Variants in TTL observed in about 807,000 individuals in gnomAD.
TTL encodes the protein tubulin--tyrosine ligase.
A neutral mutation model predicts 41.1 loss-of-function variants in TTL; 10 were observed. The observed-to-expected ratio is 0.24, with a 90% CI of 0.15 to 0.41. The LOEUF is 0.41. Ranked by LOEUF, TTL falls within the 10% of genes least tolerant of loss-of-function variation. TTL has a pLI of 1.00. For missense variants in TTL, 367 were observed against 460.4 expected, an observed-to-expected ratio of 0.80 and a Z score of 1.86; for synonymous variants, 175 against 175.5, an observed-to-expected ratio of 1.00 and a Z score of 0.02.
chr2:112,523,350 C>CTGTG (rs60321232), intron 6 of TTL, among the ~76,000 whole-genome samples: 114,397 of 149,764 alleles, frequency 0.76, 44,171 homozygotes, highest in East Asian at 0.88. Flanking sequence ...GTGTGTGTGT[C>CTGTG]TGTGTGTGTG....
intron 5 of TTL, among the ~76,000 whole-genome samples, chr2:112,517,929 G>A (rs915235645): frequency 1.3e-5 from 2 of 150,424 alleles, no homozygotes; most frequent in South Asian, 4.2e-4. Context: ...CAGCCTGGGC[G>A]ACAGAGTGAG....
At chr2:112,494,535 C>G (rs1681475455) in intron 3 of TTL, among the ~76,000 whole-genome samples, 160 bp downstream of exon 3, 1 of 152,200 alleles carries the variant, frequency 6.6e-6, no homozygotes, top group Non-Finnish European at 1.5e-5. Flanking sequence ...TTCTAAATGT[C>G]TATCTCCAGT....
At position 112,494,284 on chromosome 2, in the gene TTL, T is replaced by G; in HGVS notation, c.378T>G (p.Asp126Glu). ...IQPPISNSRT[D>E]EREFFLASYN... is the part of the protein sequence containing the mutation. ...CACCAATCAGTAACTCAAGGACAGA[T>G]GAAAGAGAATTCTTTCTCGCCTCTT... is the stretch of plus-strand genomic sequence containing the variant. The change falls in exon 3 of 7, where the codon GAT becomes GAG. Residue 126 changes from aspartate to glutamate, a missense_variant. Physicochemically the swap from Asp to Glu is conservative, Grantham distance 45. Coordinates refer to ENST00000233336, the MANE Select transcript of TTL (RefSeq NM_153712.5). The G allele has an allele frequency of 6.2e-7, 1 of 1,614,162 alleles. No homozygotes were observed. The highest frequency in any genetic ancestry group is 1.1e-5 in the South Asian group (1 of 91,084).
intron 1 of TTL, among the ~76,000 whole-genome samples, chr2:112,484,138 GGA>G (rs1681170550): frequency 1.3e-5 from 2 of 152,038 alleles, no homozygotes; most frequent in Non-Finnish European, 2.9e-5. Context: ...CTTAAGCCTA[GGA>G]GTGAGAAGCA....
intron 5 of TTL, among the ~76,000 whole-genome samples, chr2:112,517,976 C>T (rs542924489): frequency 2.7e-5 from 4 of 150,518 alleles, no homozygotes; most frequent in Non-Finnish European, 5.9e-5. Flanking sequence ...GATAGGGTCT[C>T]GCTCTGTTTC....
chr2:112,509,688 A>G (rs1029583394), intron 5 of TTL, among the ~76,000 whole-genome samples: 9 of 152,158 alleles, frequency 5.9e-5, no homozygotes, highest in Admixed American at 3.3e-4. Context: ...CACGGTGCGC[A>G]CACACACTGG....
intron 3 of TTL, 64 bp downstream of exon 3, chr2:112,494,439 G>T: frequency 8.0e-7 from 1 of 1,251,472 alleles, no homozygotes. Flanking sequence ...GTATTTAGAT[G>T]AATGACCCTA....
intron 6 of TTL, among the ~76,000 whole-genome samples, chr2:112,524,948 G>A (rs185118582): frequency 1.4e-4 from 21 of 152,166 alleles, no homozygotes; most frequent in Non-Finnish European, 1.8e-4. Context: ...TCATTAATGC[G>A]TCCTGAATTA....
intron 6 of TTL, among the ~76,000 whole-genome samples, chr2:112,526,011 G>T (rs1280459568): frequency 1.3e-5 from 2 of 151,802 alleles, no homozygotes; most frequent in Non-Finnish European, 2.9e-5. Flanking sequence ...GTTGAATTTT[G>T]TCAAAGGCCT....
rs765958388 is a variant in TTL, at chr2:112,482,317, C to A, written c.-28C>A. ...CCGCCTGGTCCCTGCGGCGGCTGCC[C>A]GGCGGCCCGGGCGCGCGGCGCTTCG... On this transcript the variant is annotated 5_prime_UTR_variant, in exon 1 of 7. Transcript: ENST00000233336. This position sits in a 1 kb window ranked among gnomAD's most constrained non-coding sequence, Gnocchi z 5.3. 42 of 1,465,710 alleles carry A rather than the reference C, an allele frequency of 2.9e-5. 1 individual carries two copies. The South Asian group carries it at 5.0e-4, about 18-fold the overall frequency. The allele number at this position is 1,465,710 out of a possible 1,614,324, so 90.8% of individuals were successfully genotyped here. A position where few individuals can be genotyped will look rare whatever the true frequency, so the allele number is the denominator to read the frequency against.
At position 112,523,770 on chromosome 2, in the gene TTL, GTTT is replaced by G. The variant is rs10566056; in HGVS notation, c.1019+3354_1019+3356del. ...GCATCTGTATATACAGTGGCAACCA[GTTT>G]TTTTTTTTCTTTATTTTTTTGACAT... On this transcript the variant is annotated intron_variant, in intron 6 of 6. Transcript: ENST00000233336. Among the ~76,000 whole-genome samples, 14 of 151,660 alleles carry G rather than the reference GTTT, an allele frequency of 9.2e-5. No individual in the cohort carries two copies. In the South Asian group the frequency reaches 2.3e-3, roughly 25 times the overall value.
intron 5 of TTL, 86 bp downstream of exon 5, chr2:112,503,267 A>G (rs1681748834): frequency 7.9e-7 from 1 of 1,269,454 alleles, no homozygotes; most frequent in Non-Finnish European, 1.1e-6. Context: ...GTTTCATATA[A>G]GTTGTCTAAT....
intron 3 of TTL, among the ~76,000 whole-genome samples, chr2:112,496,694 TG>T: frequency 7.0e-6 from 1 of 143,584 alleles, no homozygotes; most frequent in African/African-American, 2.5e-5. Flanking sequence ...TGTGTGTGTG[TG>T]TGTGTGTGTG....
chr2:112,525,263 T>C (rs951064106), intron 6 of TTL, among the ~76,000 whole-genome samples: 3 of 152,210 alleles, frequency 2.0e-5, no homozygotes, highest in Non-Finnish European at 2.9e-5. Context: ...AGGATTGTCT[T>C]GGCAATGCGG....
chr2:112,521,322 G>A (rs1480050883), intron 6 of TTL: 1 of 985,378 alleles, frequency 1.0e-6, no homozygotes, highest in East Asian at 1.1e-4. Context: ...GCGTCATGGA[G>A]TCATTAAGGA....
rs948706093 is a variant in TTL at position 112,537,669 on chromosome 2, T to G, written c.*8874T>G. 1 of 152,228 alleles carries G rather than the reference T, an allele frequency of 6.6e-6. No homozygotes were observed. The highest frequency in any genetic ancestry group is 1.5e-5 in the Non-Finnish European group (1 of 68,046). The allele number at this position is 152,228 out of a possible 1,614,324, so 9.4% of individuals were successfully genotyped here. A position where few individuals can be genotyped will look rare whatever the true frequency, so the allele number is the denominator to read the frequency against. On this transcript the variant is annotated 3_prime_UTR_variant, in exon 7 of 7. Coordinates refer to ENST00000233336, the MANE Select transcript of TTL (RefSeq NM_153712.5). Reference sequence around the variant, plus strand: ...TATATTGATAAAAGGGTCAGTCCATTAGGAAAATATGACAATTATAAACAT... The same window carrying G: ...TATATTGATAAAAGGGTCAGTCCATGAGGAAAATATGACAATTATAAACAT...
chr2:112,503,242 G>T, intron 5 of TTL, 61 bp downstream of exon 5: 1 of 1,396,208 alleles, frequency 7.2e-7, no homozygotes, highest in Non-Finnish European at 9.6e-7. Context: ...TGGCGTCTAT[G>T]CCTTTCAAAG....
chr2:112,521,545 C>T (rs1160692825), intron 6 of TTL, among the ~76,000 whole-genome samples: 1 of 152,234 alleles, frequency 6.6e-6, no homozygotes, highest in African/African-American at 2.4e-5. Flanking sequence ...GATGTCAACA[C>T]ACCAAAGTTG....
intron 6 of TTL, among the ~76,000 whole-genome samples, chr2:112,525,786 C>T (rs1157697247): frequency 6.6e-6 from 1 of 152,124 alleles, no homozygotes; most frequent in African/African-American, 2.4e-5. Flanking sequence ...ATTTCTTTCT[C>T]CTGCCTGATT....
Sources: gnomAD v4.1 joint callset for allele counts (sites outside exome capture counted in the v4.1 genomes callset) on GRCh38, gnomAD v4.1.1 for gene constraint, Gnocchi (gnomAD v3.1) non-coding constraint, MANE v1.5 for transcripts, NCBI Gene and HGNC (gene_info 2026-07-23, HGNC 2026-07-21) for gene names.